The following TENM2 variants were observed in gnomAD, a reference collection of about 807,000 sequenced individuals.
The protein encoded by TENM2 is teneurin-2.
In TENM2, 52 loss-of-function variants were observed where a neutral mutation model predicts 245.2. That is an observed-to-expected ratio of 0.21 (90% CI 0.17 to 0.27). The LOEUF is 0.27. Ranked by LOEUF, TENM2 falls within the 10% of genes least tolerant of loss-of-function variation. The probability of loss-of-function intolerance (pLI) is 1.00; values close to 1 mark genes in which losing one functional copy is unlikely to be tolerated. For missense variants in TENM2, 3,046 were observed against 3,666.8 expected (o/e 0.83, Z 4.37); for synonymous variants, 1,363 against 1,438.9 (o/e 0.95, Z 1.19).
chr5:168,044,626 T>G (rs11750865), intron 5 of TENM2, among the ~76,000 whole-genome samples: 8,633 of 152,084 alleles, frequency 0.057, 334 homozygotes, highest in Admixed American at 0.079. Context: ...TTCAAGACAC[T>G]GTCAGATCTT....
At chr5:167,083,132 G>GA in the TENM2 span, among the ~76,000 whole-genome samples, 1 of 152,116 alleles carries the variant, frequency 6.6e-6, no homozygotes, top group Non-Finnish European at 1.5e-5. Context: ...CCTTTCACTA[G>GA]AAAGCAGTGC....
chr5:167,493,933 C>A (rs1376670995), intron 2 of TENM2, among the ~76,000 whole-genome samples: 1 of 151,922 alleles, frequency 6.6e-6, no homozygotes, highest in African/African-American at 2.4e-5. Flanking sequence ...TCAGGACCCA[C>A]CTGGCTAAGG....
intron 15 of TENM2, among the ~76,000 whole-genome samples, chr5:168,196,335 T>G (rs1761428118): frequency 6.6e-6 from 1 of 152,200 alleles, no homozygotes; most frequent in African/African-American, 2.4e-5. Context: ...TTCATGAAAT[T>G]TCTGATATCT....
chr5:167,751,741 CT>C (rs140964972), intron 2 of TENM2, among the ~76,000 whole-genome samples: 5,295 of 151,952 alleles, frequency 0.035, 125 homozygotes, highest in Non-Finnish European at 0.052. Flanking sequence ...TTTTTTTAAG[CT>C]TCACATACAC....
chr5:167,727,310 C>T (rs1227777270), intron 2 of TENM2, among the ~76,000 whole-genome samples: 1 of 151,994 alleles, frequency 6.6e-6, no homozygotes, highest in Non-Finnish European at 1.5e-5. Context: ...GACGGGGTTT[C>T]ACCGTGTTAG....
chr5:168,191,835 G>A (rs1760993228), intron 14 of TENM2, among the ~76,000 whole-genome samples: 1 of 152,034 alleles, frequency 6.6e-6, no homozygotes, highest in Admixed American at 6.5e-5. Context: ...AGGGTGGGAT[G>A]GGGAAGGAAT....
the TENM2 span, among the ~76,000 whole-genome samples, chr5:167,111,930 C>A: frequency 6.6e-6 from 1 of 152,154 alleles, no homozygotes; most frequent in African/African-American, 2.4e-5. Context: ...ATTCGATTTA[C>A]TAATTTGTTC....
chr5:167,233,554 T>C, the TENM2 span, among the ~76,000 whole-genome samples: 1 of 152,208 alleles, frequency 6.6e-6, no homozygotes, highest in East Asian at 1.9e-4. Flanking sequence ...TGTATTTCAG[T>C]CTAAAAGCAA....
At chr5:167,176,900 T>A in the TENM2 span, among the ~76,000 whole-genome samples, 1 of 152,230 alleles carries the variant, frequency 6.6e-6, no homozygotes, top group Non-Finnish European at 1.5e-5. Context: ...GGATACATTT[T>A]TAATATCATT....
At chr5:168,078,049 G>A (rs569046515) in intron 7 of TENM2, among the ~76,000 whole-genome samples, 8 of 152,272 alleles carry the variant, frequency 5.3e-5, no homozygotes, top group East Asian at 3.9e-4. Flanking sequence ...CACAAACAGC[G>A]TAAAAATGTT....
intron 5 of TENM2, among the ~76,000 whole-genome samples, chr5:168,027,541 T>C (rs973551271): frequency 1.3e-5 from 2 of 152,202 alleles, no homozygotes; most frequent in Non-Finnish European, 2.9e-5. Flanking sequence ...TCCGTGTTTT[T>C]GCCTCTAGCT....
intron 2 of TENM2, among the ~76,000 whole-genome samples, chr5:167,745,019 C>G (rs1361068270): frequency 6.6e-6 from 1 of 152,174 alleles, no homozygotes; most frequent in Non-Finnish European, 1.5e-5. Context: ...ACCTGTCTCT[C>G]TTTGAATAAA....
chr5:167,155,532 G>T, the TENM2 span, among the ~76,000 whole-genome samples: 1 of 152,092 alleles, frequency 6.6e-6, no homozygotes, highest in African/African-American at 2.4e-5. Context: ...TCGATGTAGC[G>T]AACAGCAGGA....
the TENM2 span, among the ~76,000 whole-genome samples, chr5:167,097,710 T>C: frequency 6.6e-6 from 1 of 152,216 alleles, no homozygotes; most frequent in African/African-American, 2.4e-5. Flanking sequence ...AAAATTTATT[T>C]CTTTAATGCA....
chr5:167,713,313 A>C (rs1029437535), intron 2 of TENM2, among the ~76,000 whole-genome samples: 1 of 150,986 alleles, frequency 6.6e-6, no homozygotes, highest in Non-Finnish European at 1.5e-5. Flanking sequence ...CTCCTTTTTT[A>C]ATTCCCATCC....
chr5:167,138,400 T>C, the TENM2 span, among the ~76,000 whole-genome samples: 1 of 152,188 alleles, frequency 6.6e-6, no homozygotes, highest in Non-Finnish European at 1.5e-5. Context: ...AATGACTTCA[T>C]GGAAGTGACA....
At chr5:167,975,710 A>T (rs1782389291) in intron 4 of TENM2, among the ~76,000 whole-genome samples, 1 of 152,162 alleles carries the variant, frequency 6.6e-6, no homozygotes, top group African/African-American at 2.4e-5. Flanking sequence ...TACACAAACA[A>T]AGAAATGTGA....
chr5:167,198,743 C>T, the TENM2 span, among the ~76,000 whole-genome samples: 1 of 152,074 alleles, frequency 6.6e-6, no homozygotes, highest in Non-Finnish European at 1.5e-5. Context: ...CGCCACTAGT[C>T]TTGTGGCACA....
In TENM2 at chr5:168,162,690, C is replaced by T. The variant is rs374107882; in HGVS notation, c.2502C>T (p.Gly834=). 3.1e-6 allele frequency: 5 copies of T among 1,613,912 alleles called. No individual in the cohort carries two copies. In the African/African-American group the frequency reaches 6.7e-5, roughly 22 times the overall value. ...GCTGGCAGTGTGTCTGCCAGACCGGCTGGAGAGGGCCCGGATGCAACGTTG... is the reference window on the plus strand; with the variant it reads ...GCTGGCAGTGTGTCTGCCAGACCGGTTGGAGAGGGCCCGGATGCAACGTTG... Residue 834 remains glycine (G), a synonymous_variant, in exon 13 of 29, where the codon GGC becomes GGT. Transcript: ENST00000518659.
Sources: gnomAD v4.1 joint callset for allele counts (sites outside exome capture counted in the v4.1 genomes callset) on GRCh38, gnomAD v4.1.1 for gene constraint, MANE v1.5 for transcripts, NCBI Gene and HGNC (gene_info 2026-07-23, HGNC 2026-07-21) for gene names.